The following PARVA variants were observed in gnomAD, a reference collection of about 807,000 sequenced individuals.
PARVA encodes the protein parvin alpha, also known as alpha-parvin.
A neutral mutation model predicts 52.6 loss-of-function variants in PARVA; 25 were observed. That is an observed-to-expected ratio of 0.48 (90% CI 0.35 to 0.66). PARVA has a LOEUF of 0.66. PARVA is among the 30% of genes least tolerant of loss of function. The pLI is 0.01. For missense variants in PARVA, 373 were observed against 450.9 expected (o/e 0.83, Z 1.56); for synonymous variants, 185 against 179.1 (o/e 1.03, Z -0.26).
At chr11:12,445,573 T>G (rs1418217135) in intron 1 of PARVA, among the ~76,000 whole-genome samples, 2 of 152,220 alleles carry the variant, frequency 1.3e-5, no homozygotes, top group African/African-American at 4.8e-5. Context: ...ACCAGGCTCT[T>G]TGTAACATAA....
intron 3 of PARVA, among the ~76,000 whole-genome samples, chr11:12,474,564 A>C (rs941931290): frequency 6.6e-6 from 1 of 151,972 alleles, no homozygotes; most frequent in Non-Finnish European, 1.5e-5. Context: ...GACAAAAGGC[A>C]CTCATGAGTG....
intron 11 of PARVA, among the ~76,000 whole-genome samples, chr11:12,518,012 G>A (rs1037990153): frequency 6.6e-6 from 1 of 152,216 alleles, no homozygotes; most frequent in East Asian, 1.9e-4. Context: ...GAAAGTGACT[G>A]TGAAGCTGGT....
At chr11:12,501,963 C>A (rs1483700285) in intron 5 of PARVA, among the ~76,000 whole-genome samples, 1 of 152,162 alleles carries the variant, frequency 6.6e-6, no homozygotes, top group Non-Finnish European at 1.5e-5. Flanking sequence ...AATGTTCTTA[C>A]AACCCTCAGT....
chr11:12,392,457 C>T (rs376429719), intron 1 of PARVA, among the ~76,000 whole-genome samples: 78 of 152,030 alleles, frequency 5.1e-4, no homozygotes, highest in African/African-American at 1.7e-3. Flanking sequence ...TTAGTAGAGA[C>T]GGGGTTTCAC....
intron 7 of PARVA, among the ~76,000 whole-genome samples, chr11:12,510,303 A>T (rs1342545659): frequency 6.6e-6 from 1 of 152,200 alleles, no homozygotes; most frequent in Non-Finnish European, 1.5e-5. Flanking sequence ...CTGATGGATA[A>T]ACCAATATAA....
chr11:12,529,446 A>AC lies in PARVA; in HGVS notation c.*1523dup, dbSNP rs1941745231. On this transcript the variant is annotated 3_prime_UTR_variant, in exon 13 of 13. Transcript: ENST00000334956. ...CACTTGTAGCCATCAACTGACTGAGACCTTGGGCTAAATAATCAATTGTGC... is the reference window on the plus strand; with the variant it reads ...CACTTGTAGCCATCAACTGACTGAGACCCTTGGGCTAAATAATCAATTGTGC... The AC allele has an allele frequency of 6.6e-6, 1 of 152,128 alleles. No individual in the cohort carries two copies. The highest frequency in any genetic ancestry group is 2.4e-5 in the African/African-American group (1 of 41,402). The allele number at this position is 152,128 out of a possible 1,614,324, so 9.4% of individuals were successfully genotyped here. A position where few individuals can be genotyped will look rare whatever the true frequency, so the allele number is the denominator to read the frequency against.
At chr11:12,478,443 G>A (rs951882681) in intron 4 of PARVA, 27 of 231,508 alleles carry the variant, frequency 1.2e-4, no homozygotes, top group African/African-American at 6.1e-4. Flanking sequence ...AGGACAATGG[G>A]GAGAGAAAGG....
At position 12,474,460 on chromosome 11, in the gene PARVA, C is replaced by T. The variant is rs564926036; in HGVS notation, c.297+477C>T. ...CATTACGTACCTGCGCAGTGGCTGG[C>T]GTGCGCTTGTCCTTTCAAAACTGTT... is the stretch of plus-strand genomic sequence containing the variant. On this transcript the variant is annotated intron_variant, in intron 3 of 12. Transcript: ENST00000334956. Among the ~76,000 whole-genome samples, 7 of 152,170 alleles carry T rather than the reference C, an allele frequency of 4.6e-5. No individual in the cohort carries two copies. The South Asian group carries it at 1.0e-3, about 23-fold the overall frequency.
At chr11:12,406,124 A>G (rs2134969430) in intron 1 of PARVA, among the ~76,000 whole-genome samples, 1 of 152,356 alleles carries the variant, frequency 6.6e-6, no homozygotes, top group Middle Eastern at 3.4e-3. Context: ...ATACACACAC[A>G]CAAACACACA....
At chr11:12,447,580 G>T (rs1253071703) in intron 1 of PARVA, among the ~76,000 whole-genome samples, 1 of 152,144 alleles carries the variant, frequency 6.6e-6, no homozygotes, top group African/African-American at 2.4e-5. Context: ...ATACTTATTT[G>T]TACTCAGCTC....
At chr11:12,426,389 T>A (rs11022355) in intron 1 of PARVA, among the ~76,000 whole-genome samples, 7,895 of 151,044 alleles carry the variant, frequency 0.052, 421 homozygotes, top group East Asian at 0.24. Context: ...TGGAGCATGG[T>A]GAGTAAGGAG....
At chr11:12,419,773 C>T (rs570684807) in intron 1 of PARVA, among the ~76,000 whole-genome samples, 1 of 152,250 alleles carries the variant, frequency 6.6e-6, no homozygotes, top group East Asian at 1.9e-4. Context: ...CTCACCAATA[C>T]TTATTGTTAT....
chr11:12,410,754 C>A lies in PARVA; in HGVS notation c.136+32971C>A, dbSNP rs574441542. Among the ~76,000 whole-genome samples, 15 of 152,340 alleles carry A rather than the reference C, an allele frequency of 9.8e-5. No homozygotes were observed. In the East Asian group the frequency reaches 2.9e-3, roughly 29 times the overall value. ...CTGAGGATCCCTTCTTCTCCCCACC[C>A]CATCTATAGCTATGGCTTTCAGTGT... On this transcript the variant is annotated intron_variant, in intron 1 of 12. Transcript: ENST00000334956.
intron 3 of PARVA, among the ~76,000 whole-genome samples, chr11:12,477,400 T>A (rs1174881603): frequency 6.6e-6 from 1 of 152,026 alleles, no homozygotes; most frequent in South Asian, 2.1e-4. Flanking sequence ...CAGCCTAAAA[T>A]TTTTTTTATG....
At chr11:12,434,072 C>T (rs1437607811) in intron 1 of PARVA, among the ~76,000 whole-genome samples, 1 of 152,164 alleles carries the variant, frequency 6.6e-6, no homozygotes, top group East Asian at 1.9e-4. Flanking sequence ...GCACCGCGAG[C>T]ACTATGTTCT....
chr11:12,412,643 T>G (rs1428098963), intron 1 of PARVA, among the ~76,000 whole-genome samples: 2 of 152,176 alleles, frequency 1.3e-5, no homozygotes, highest in African/African-American at 4.8e-5. Flanking sequence ...AGCCTGTTCT[T>G]TAAACATGTG....
chr11:12,503,870 T>C (rs1181510069), intron 5 of PARVA, among the ~76,000 whole-genome samples: 4 of 152,170 alleles, frequency 2.6e-5, no homozygotes, highest in African/African-American at 4.8e-5. Flanking sequence ...AAGAAAGGCT[T>C]GAGGCTGGGT....
intron 1 of PARVA, among the ~76,000 whole-genome samples, chr11:12,465,753 C>T (rs1940845636): frequency 6.6e-6 from 1 of 152,188 alleles, no homozygotes; most frequent in South Asian, 2.1e-4. Flanking sequence ...AGTTTATCTA[C>T]TCACCTATTA....
At chr11:12,450,481 A>T (rs142305585) in intron 1 of PARVA, among the ~76,000 whole-genome samples, 39 of 152,370 alleles carry the variant, frequency 2.6e-4, no homozygotes, top group African/African-American at 9.4e-4. Flanking sequence ...TAAGTGATTA[A>T]GGGAAAAGAG....
Sources: allele counts gnomAD v4.1 joint callset (sites outside exome capture counted in the v4.1 genomes callset), GRCh38; gene constraint gnomAD v4.1.1; transcripts MANE v1.5; gene names NCBI Gene and HGNC (gene_info 2026-07-23, HGNC 2026-07-21).